The following SEPTIN14 variants were observed in gnomAD, a reference collection of about 807,000 sequenced individuals.
SEPTIN14 encodes the protein septin-14.
Under a neutral mutation model 53.6 loss-of-function variants are expected in SEPTIN14, and 40 were observed. The ratio of observed to expected loss-of-function variants is 0.75; its 90% confidence interval spans 0.58 to 0.97. The LOEUF is 0.97. Among genes scored for constraint, SEPTIN14 ranks in the 50% least tolerant of loss-of-function variants. The probability of loss-of-function intolerance (pLI) is 0.00; values close to 1 mark genes in which losing one functional copy is unlikely to be tolerated. For missense variants in SEPTIN14, 471 were observed against 508.2 expected (o/e 0.93, Z 0.70); for synonymous variants, 138 against 166.8 (o/e 0.83, Z 1.33).
intron 2 of SEPTIN14, 97 bp downstream of exon 2, chr7:55,861,846 T>A (rs10499759): frequency 0.24 from 173,210 of 712,372 alleles, 24,427 homozygotes; most frequent in African/African-American, 0.45. Context: ...AGACTTTATC[T>A]TCTATGCCTA....
chr7:55,839,049 T>C (rs1208250290), intron 5 of SEPTIN14, among the ~76,000 whole-genome samples: 1 of 152,192 alleles, frequency 6.6e-6, no homozygotes, highest in Non-Finnish European at 1.5e-5. Flanking sequence ...CATGTAGGCA[T>C]TGTATTATCT....
intron 5 of SEPTIN14, among the ~76,000 whole-genome samples, chr7:55,835,693 CTAT>C (rs919170957): frequency 1.9e-4 from 29 of 151,860 alleles, no homozygotes; most frequent in African/African-American, 7.0e-4. Flanking sequence ...GATAGATTTG[CTAT>C]TGTTTTTCAA....
In SEPTIN14 at chr7:55,807,139, GT is replaced by G; in HGVS notation, c.936del (p.Lys312AsnfsTer41). ...TQHYECYRYQ[K>X]LQKMGFTDVG... ...ACATCTGTAAAGCCCATTTTCTGCA[GT>G]TTTTGGTACCTATAACATTCATAGT... On this transcript the variant is annotated frameshift_variant, in exon 8 of 10. Coordinates refer to ENST00000388975, the MANE Select transcript of SEPTIN14 (RefSeq NM_207366.3). LOFTEE classifies it high-confidence loss of function. The G allele has an allele frequency of 2.5e-6, 4 of 1,605,866 alleles. No homozygotes were observed. Among genetic ancestry groups the G allele is most frequent in the East Asian group, 2.3e-5 (1 of 44,320 alleles).
chr7:55,813,886 T>C (rs550160583), intron 7 of SEPTIN14, among the ~76,000 whole-genome samples: 27 of 152,026 alleles, frequency 1.8e-4, no homozygotes, highest in Admixed American at 6.6e-4. Context: ...GCCTTAAACA[T>C]CAGTAGTAGC....
intron 4 of SEPTIN14, among the ~76,000 whole-genome samples, chr7:55,843,811 A>G (rs1789356830): frequency 1.3e-5 from 2 of 152,120 alleles, no homozygotes. Context: ...TAGCCTGGGC[A>G]ACAGAGCAAG....
intron 7 of SEPTIN14, chr7:55,811,328 G>C: frequency 2.0e-6 from 1 of 508,628 alleles, no homozygotes; most frequent in South Asian, 1.5e-5. Context: ...CTTTGCAGTC[G>C]AAGTCTTTAA....
chr7:55,820,921 C>A (rs1241997772), intron 6 of SEPTIN14, among the ~76,000 whole-genome samples: 1 of 151,862 alleles, frequency 6.6e-6, no homozygotes, highest in African/African-American at 2.4e-5. Context: ...GTCTGAGAAA[C>A]AAGAGTGAGA....
intron 2 of SEPTIN14, among the ~76,000 whole-genome samples, chr7:55,854,433 GTTC>G (rs1429103150): frequency 6.7e-6 from 1 of 148,626 alleles, no homozygotes; most frequent in African/African-American, 2.6e-5. Flanking sequence ...TGTACTGGAG[GTTC>G]TTTTTTTTTT....
chr7:55,862,039 T>C, intron 1 of SEPTIN14, 28 bp from the exon 2 acceptor site: 1 of 1,394,440 alleles, frequency 7.2e-7, no homozygotes, highest in Non-Finnish European at 9.8e-7. Context: ...TAAACATTTT[T>C]AAAAATTTCT....
At chr7:55,835,861 G>A (rs1399803229) in intron 5 of SEPTIN14, among the ~76,000 whole-genome samples, 1 of 152,098 alleles carries the variant, frequency 6.6e-6, no homozygotes, top group Non-Finnish European at 1.5e-5. Flanking sequence ...TCCTGCTTCA[G>A]CCTCCTGAGT....
intron 2 of SEPTIN14, among the ~76,000 whole-genome samples, chr7:55,847,544 T>A (rs1210882948): frequency 6.6e-6 from 1 of 152,146 alleles, no homozygotes; most frequent in African/African-American, 2.4e-5. Context: ...TAGCCTACAG[T>A]TGGGCAAAAT....
At chr7:55,835,836 G>A (rs759302391) in intron 5 of SEPTIN14, among the ~76,000 whole-genome samples, 79 of 152,082 alleles carry the variant, frequency 5.2e-4, no homozygotes, top group Non-Finnish European at 9.7e-4. Flanking sequence ...TCTGCCTCCC[G>A]GGTTCAAGCA....
chr7:55,845,081 C>G (rs1331880790), intron 3 of SEPTIN14, among the ~76,000 whole-genome samples: 2 of 152,092 alleles, frequency 1.3e-5, no homozygotes, highest in African/African-American at 4.8e-5. Flanking sequence ...AAACCTCCAC[C>G]CTCAAGTAGA....
At chr7:55,858,047 C>A (rs1789676029) in intron 2 of SEPTIN14, among the ~76,000 whole-genome samples, 1 of 152,186 alleles carries the variant, frequency 6.6e-6, no homozygotes, top group African/African-American at 2.4e-5. Flanking sequence ...GCAATGCTGG[C>A]AAGAAGCTCC....
chr7:55,796,204 A>G, intron 9 of SEPTIN14, 112 bp from the exon 10 acceptor site: 2 of 683,886 alleles, frequency 2.9e-6, no homozygotes, highest in Non-Finnish European at 5.0e-6. Flanking sequence ...GTAGAGCATG[A>G]TCTTAATAAC....
Position 55,844,640 on chromosome 7 carries a change from A to G in SEPTIN14, c.254T>C (p.Phe85Ser), listed in dbSNP as rs1230615866. The G allele has an allele frequency of 4.3e-6, 7 of 1,610,536 alleles. No homozygotes were observed. The highest frequency in any genetic ancestry group is 5.9e-6 in the Non-Finnish European group (7 of 1,177,244). Residue 85 changes from phenylalanine (F) to serine (S), a missense_variant, in exon 4 of 10, where the codon TTT (phenylalanine) becomes TCT (serine). By Grantham distance (155) the Phe-to-Ser change is radical. Coordinates refer to ENST00000388975, the MANE Select transcript of SEPTIN14 (RefSeq NM_207366.3). ...AATTTGAAGTCCAACATTTGAGTAA[A>G]AATGTGAGGATTTGTTATCTTTCAA... ...TNLKDNKSSH[F>S]YSNVGLQIQT...
chr7:55,796,043 C>T lies in SEPTIN14; in HGVS notation c.1169G>A (p.Arg390Lys), dbSNP rs1320775422. Residue 390 changes from arginine to lysine, a missense_variant, in exon 10 of 10, where the codon AGG becomes AAG. Coordinates refer to ENST00000388975, the MANE Select transcript of SEPTIN14 (RefSeq NM_207366.3). ...HLKMIQQEEIRKLEEEKKQLE... is the reference protein window; with the variant it reads ...HLKMIQQEEIKKLEEEKKQLE... ...TTGTTTTTTCTCTTCCTCGAGCTTC[C>T]TTATCTCCTCCTGTTGAATCATTTT... is the stretch of plus-strand genomic sequence containing the variant. 1.3e-6 allele frequency: 2 copies of T among 1,509,428 alleles called. No homozygotes were observed. Among genetic ancestry groups the T allele is most frequent in the African/African-American group, 1.4e-5 (1 of 73,036 alleles). The allele number at this position is 1,509,428 out of a possible 1,614,324, so 93.5% of individuals were successfully genotyped here. A position where few individuals can be genotyped will look rare whatever the true frequency, so the allele number is the denominator to read the frequency against.
chr7:55,796,020 G>T lies in SEPTIN14; in HGVS notation c.1192C>A (p.Gln398Lys). The T allele has an allele frequency of 6.5e-7, 1 of 1,544,800 alleles. No individual in the cohort carries two copies. The highest frequency in any genetic ancestry group is 1.4e-5 in the African/African-American group (1 of 73,854). Residue 398 changes from glutamine (Q) to lysine (K), a missense_variant, in exon 10 of 10, where the codon CAA (glutamine) becomes AAA (lysine). Gln to Lys is a moderately conservative substitution (Grantham distance 53). Coordinates refer to ENST00000388975, the MANE Select transcript of SEPTIN14 (RefSeq NM_207366.3). ...EIRKLEEEKK[Q>K]LEGEIIDFYK... Reference sequence around the variant, plus strand: ...AAATCTATGATTTCTCCTTCCAGTTGTTTTTTCTCTTCCTCGAGCTTCCTT... The same window carrying T: ...AAATCTATGATTTCTCCTTCCAGTTTTTTTTTCTCTTCCTCGAGCTTCCTT...
rs772728654 is a variant in SEPTIN14 at position 55,807,058 on chromosome 7, C to T, written c.986+32G>A. Reference sequence around the variant, plus strand: ...TGTTTGTAGGGACTCCTAAATTATCCATTTGGTTGTGCTAGCAATATTTTT... The same window carrying T: ...TGTTTGTAGGGACTCCTAAATTATCTATTTGGTTGTGCTAGCAATATTTTT... On this transcript the variant is annotated intron_variant, in intron 8 of 9. Coordinates refer to ENST00000388975, the MANE Select transcript of SEPTIN14 (RefSeq NM_207366.3). 6 of 1,496,984 alleles carry T rather than the reference C, an allele frequency of 4.0e-6. No individual in the cohort carries two copies. The East Asian group carries it at 1.2e-4, about 30-fold the overall frequency. 92.7% of individuals were successfully genotyped at this position (1,496,984 alleles called of 1,614,324 possible).
Sources: allele counts gnomAD v4.1 joint callset (sites outside exome capture counted in the v4.1 genomes callset), GRCh38; gene constraint gnomAD v4.1.1; transcripts MANE v1.5; gene names NCBI Gene and HGNC (gene_info 2026-07-23, HGNC 2026-07-21).